MED27: variants seen among roughly 807,000 people sequenced by gnomAD.
MED27 encodes mediator of RNA polymerase II transcription subunit 27.
A neutral mutation model predicts 38.2 loss-of-function variants in MED27; 30 were observed. The ratio of observed to expected loss-of-function variants is 0.79; its 90% CI spans 0.59 to 1.07. The LOEUF (loss-of-function observed/expected upper bound fraction) is 1.07, where lower values mean the gene tolerates loss of function less well. Among genes scored for constraint, MED27 ranks in the 50% least tolerant of loss-of-function variants. The probability of loss-of-function intolerance (pLI) is 0.00; values close to 1 mark genes in which losing one functional copy is unlikely to be tolerated. For missense variants in MED27, 289 were observed against 397.5 expected (o/e 0.73, Z 2.32); for synonymous variants, 122 against 153.5 (o/e 0.79, Z 1.52).
intron 2 of MED27, among the ~76,000 whole-genome samples, chr9:132,038,533 A>C (rs999489378): frequency 6.6e-5 from 10 of 152,242 alleles, no homozygotes; most frequent in Admixed American, 1.3e-4. Flanking sequence ...TCACTGAAAT[A>C]AACAAAGGCT....
At chr9:131,895,094 C>A (rs921460306) in intron 4 of MED27, among the ~76,000 whole-genome samples, 2 of 152,208 alleles carry the variant, frequency 1.3e-5, no homozygotes, top group Non-Finnish European at 2.9e-5. Context: ...CTTATACTTC[C>A]TAACCAGCAG....
At chr9:131,892,893 C>T (rs563907558) in intron 5 of MED27, among the ~76,000 whole-genome samples, 2 of 152,306 alleles carry the variant, frequency 1.3e-5, no homozygotes, top group African/African-American at 2.4e-5. Flanking sequence ...AGGAAATTTA[C>T]GAGAACTGGG....
intron 3 of MED27, among the ~76,000 whole-genome samples, chr9:131,976,688 T>C (rs1001547968): frequency 2.0e-5 from 3 of 152,264 alleles, no homozygotes; most frequent in Admixed American, 6.5e-5. Context: ...AACTGAACTT[T>C]TGACCAACTA....
intron 6 of MED27, among the ~76,000 whole-genome samples, chr9:131,873,827 AT>A (rs1300416638): frequency 6.6e-6 from 1 of 152,144 alleles, no homozygotes; most frequent in Non-Finnish European, 1.5e-5. Flanking sequence ...ACTCAGCAAG[AT>A]CTCTGGCACA....
At chr9:131,960,778 C>G (rs1340849712) in intron 3 of MED27, among the ~76,000 whole-genome samples, 1 of 152,124 alleles carries the variant, frequency 6.6e-6, no homozygotes, top group Non-Finnish European at 1.5e-5. Flanking sequence ...GGGAGAGTGT[C>G]TACCACAAAA....
intron 3 of MED27, among the ~76,000 whole-genome samples, chr9:131,948,468 T>C (rs545642645): frequency 1.2e-3 from 177 of 148,272 alleles, no homozygotes; most frequent in Middle Eastern, 6.9e-3. Flanking sequence ...GCCTGGGTGA[T>C]AGACACTCCG....
intron 6 of MED27, among the ~76,000 whole-genome samples, chr9:131,875,239 G>A (rs534355942): frequency 6.6e-6 from 1 of 152,328 alleles, no homozygotes; most frequent in African/African-American, 2.4e-5. Context: ...GGGCACTGCT[G>A]CGCGGCTGTA....
At chr9:132,000,211 T>C (rs1832192617) in intron 3 of MED27, among the ~76,000 whole-genome samples, 1 of 151,986 alleles carries the variant, frequency 6.6e-6, no homozygotes, top group Admixed American at 6.6e-5. Flanking sequence ...TTTTCTGCAC[T>C]TCACCAAAGA....
intron 6 of MED27, chr9:131,869,028 C>G (rs1040006959): frequency 1.0e-6 from 1 of 985,374 alleles, no homozygotes; most frequent in Non-Finnish European, 1.2e-6. Context: ...CAAACTCAGC[C>G]TCTTTTTCAA....
chr9:132,068,634 C>T (rs191471543), intron 2 of MED27, among the ~76,000 whole-genome samples: 18 of 152,162 alleles, frequency 1.2e-4, no homozygotes, highest in Admixed American at 4.6e-4. Flanking sequence ...CAGGCAGAAG[C>T]GACGGATGAC....
intron 4 of MED27, among the ~76,000 whole-genome samples, chr9:131,905,598 C>T (rs970563122): frequency 4.8e-5 from 7 of 145,518 alleles, no homozygotes; most frequent in African/African-American, 1.3e-4. Context: ...TTTGGGAAGC[C>T]GGGATGGGAG....
At chr9:132,062,658 C>G (rs1833723388) in intron 2 of MED27, among the ~76,000 whole-genome samples, 1 of 151,146 alleles carries the variant, frequency 6.6e-6, no homozygotes, top group African/African-American at 2.4e-5. Flanking sequence ...CATTCTGTCA[C>G]TCAGGCTGGA....
intron 6 of MED27, 93 bp from the exon 7 acceptor site, chr9:131,863,233 G>C: frequency 1.0e-6 from 1 of 997,230 alleles, no homozygotes; most frequent in Non-Finnish European, 1.6e-6. Context: ...TGTGAAAACA[G>C]ATCTGAGTAT....
intron 2 of MED27, among the ~76,000 whole-genome samples, chr9:132,021,763 A>G (rs1238662027): frequency 6.6e-6 from 1 of 152,306 alleles, no homozygotes; most frequent in East Asian, 1.9e-4. Context: ...GGTTTAGATA[A>G]GGTCATGAGG....
Position 131,898,881 on chromosome 9 carries a change from G to A in MED27, c.574-4889C>T, listed in dbSNP as rs551755008. Among the ~76,000 whole-genome samples the A allele has an allele frequency of 4.6e-5, 7 of 152,294 alleles. No individual in the cohort carries two copies. The East Asian group carries it at 7.7e-4, about 17-fold the overall frequency. On this transcript the variant is annotated intron_variant, in intron 4 of 7. Transcript: ENST00000292035. ...ATTATAGGCATGAGCCACTGCGCCC[G>A]GCCTGGATTTTTAACATGGTAATAA...
rs568016626 is a variant in MED27 at position 131,866,803 on chromosome 9, C to T, written c.724-3663G>A. ...ACCCAAGTATGTCACTCCCCTAAAACGCTCTCATGGCTTTCCCTGCACTCA... is the reference window on the plus strand; with the variant it reads ...ACCCAAGTATGTCACTCCCCTAAAATGCTCTCATGGCTTTCCCTGCACTCA... On this transcript the variant is annotated intron_variant, in intron 6 of 7. Coordinates refer to ENST00000292035, the MANE Select transcript of MED27 (RefSeq NM_004269.4). Among the ~76,000 whole-genome samples, 8 of 152,304 alleles carry T rather than the reference C, an allele frequency of 5.3e-5. No homozygotes were observed. The South Asian group carries it at 1.0e-3, about 20-fold the overall frequency.
chr9:131,901,825 A>G (rs1829954000), intron 4 of MED27, among the ~76,000 whole-genome samples: 1 of 152,188 alleles, frequency 6.6e-6, no homozygotes, highest in South Asian at 2.1e-4. Flanking sequence ...CAGGGCAGGC[A>G]ACTTTCTCCT....
intron 2 of MED27, among the ~76,000 whole-genome samples, chr9:132,038,959 G>A (rs117997128): frequency 6.6e-6 from 1 of 152,316 alleles, no homozygotes; most frequent in East Asian, 1.9e-4. Flanking sequence ...GCAGCAGAGC[G>A]GAGAAGCCAG....
chr9:131,926,560 G>A (rs1038513302), intron 4 of MED27, among the ~76,000 whole-genome samples: 7 of 152,246 alleles, frequency 4.6e-5, no homozygotes, highest in Admixed American at 1.3e-4. Flanking sequence ...TGTACTGCCT[G>A]TCAAGAATGT....
Sources: allele counts gnomAD v4.1 joint callset (sites outside exome capture counted in the v4.1 genomes callset), GRCh38; gene constraint gnomAD v4.1.1; transcripts MANE v1.5; gene names NCBI Gene and HGNC (gene_info 2026-07-23, HGNC 2026-07-21).